Variants in NR6A1 observed in about 807,000 individuals in gnomAD.
NR6A1 encodes the protein nuclear receptor subfamily 6 group A member 1, also known as retinoic acid receptor-related testis-associated receptor.
NR6A1 carries 7 observed loss-of-function variants against 59.1 expected under a neutral mutation model. That is an observed-to-expected ratio of 0.12 (90% confidence interval 0.07 to 0.22). The LOEUF (loss-of-function observed/expected upper bound fraction) is 0.22. Ranked by LOEUF, NR6A1 falls within the 10% of genes least tolerant of loss-of-function variation. The probability of loss-of-function intolerance (pLI) is 1.00; values close to 1 mark genes in which losing one functional copy is unlikely to be tolerated. For missense variants in NR6A1, 468 were observed against 611.6 expected, an observed-to-expected ratio of 0.77 and a Z score of 2.48; for synonymous variants, 243 against 236.1, an observed-to-expected ratio of 1.03 and a Z score of -0.27.
At chr9:124,679,703 AACATGG>A in intron 2 of NR6A1, among the ~76,000 whole-genome samples, 1 of 152,060 alleles carries the variant, frequency 6.6e-6, no homozygotes, top group Non-Finnish European at 1.5e-5. Context: ...CAGCCTGGCC[AACATGG>A]TAAAACCCCA....
chr9:124,571,172 G>A (rs1451675211), intron 2 of NR6A1, among the ~76,000 whole-genome samples: 1 of 152,232 alleles, frequency 6.6e-6, no homozygotes, highest in East Asian at 1.9e-4. Flanking sequence ...TAGAGTAGAA[G>A]TATGTCAAAA....
chr9:124,719,390 A>G (rs559609454), intron 2 of NR6A1, among the ~76,000 whole-genome samples: 49 of 152,294 alleles, frequency 3.2e-4, no homozygotes, highest in South Asian at 2.9e-3. Context: ...TTTAAATTTT[A>G]TATTTTTAAA....
intron 4 of NR6A1, 54 bp from the exon 5 acceptor site, chr9:124,540,241 C>T: frequency 6.5e-7 from 1 of 1,549,364 alleles, no homozygotes; most frequent in Non-Finnish European, 8.8e-7. Flanking sequence ...CTTGCTCTTT[C>T]TTCAGGACTG....
rs550121544 is a variant in NR6A1, at chr9:124,610,057, T to C, written c.143-55487A>G. On this transcript the variant is annotated intron_variant, in intron 2 of 9. Coordinates refer to ENST00000487099, the MANE Select transcript of NR6A1 (RefSeq NM_033334.4). The stretch of plus-strand genomic sequence containing the variant: ...ATCATGTCATCTGCAAACAGACAAT[T>C]TGACTTCCTCTCTTCCTATTTGAAT... Among the ~76,000 whole-genome samples, 23 of 152,296 alleles carry C rather than the reference T, an allele frequency of 1.5e-4. No homozygotes were observed. In the East Asian group the frequency reaches 2.9e-3, roughly 19 times the overall value.
chr9:124,532,064 C>T (rs147559129), intron 7 of NR6A1, among the ~76,000 whole-genome samples: 115 of 152,354 alleles, frequency 7.5e-4, no homozygotes, highest in African/African-American at 2.7e-3. Context: ...ATACTAGTTA[C>T]ACAACAAACC....
chr9:124,730,771 T>C (rs569452863), intron 2 of NR6A1, among the ~76,000 whole-genome samples: 1 of 152,138 alleles, frequency 6.6e-6, no homozygotes, highest in South Asian at 2.1e-4. Context: ...TCTCAGAAAA[T>C]GGGCATTAAC....
intron 5 of NR6A1, among the ~76,000 whole-genome samples, chr9:124,538,575 T>C (rs762849991): frequency 3.9e-5 from 6 of 152,172 alleles, no homozygotes; most frequent in Non-Finnish European, 8.8e-5. Flanking sequence ...AATGAATAAA[T>C]ATTGGTTGAA....
intron 8 of NR6A1, among the ~76,000 whole-genome samples, chr9:124,525,126 A>G (rs1202825586): frequency 1.3e-5 from 2 of 152,184 alleles, no homozygotes; most frequent in Non-Finnish European, 2.9e-5. Flanking sequence ...TCTCAACTTC[A>G]TACCAAACTC....
chr9:124,701,920 T>A (rs1250526005), intron 2 of NR6A1, among the ~76,000 whole-genome samples: 1 of 152,138 alleles, frequency 6.6e-6, no homozygotes, highest in Non-Finnish European at 1.5e-5. Flanking sequence ...AGATGGGGTT[T>A]CACTATGTTG....
chr9:124,762,662 C>A (rs1328332956), intron 1 of NR6A1, among the ~76,000 whole-genome samples: 3 of 152,196 alleles, frequency 2.0e-5, no homozygotes, highest in Non-Finnish European at 4.4e-5. Context: ...TAATCCGTTA[C>A]ATTAAAATCC....
intron 6 of NR6A1, among the ~76,000 whole-genome samples, chr9:124,537,822 G>C (rs1181405363): frequency 6.6e-6 from 1 of 152,058 alleles, no homozygotes; most frequent in African/African-American, 2.4e-5. Context: ...CCAGCACCTG[G>C]CTTACCTAGG....
intron 2 of NR6A1, among the ~76,000 whole-genome samples, chr9:124,567,831 C>CTTTTTTTTTTT (rs534591761): frequency 2.0e-5 from 2 of 101,340 alleles, no homozygotes; most frequent in Non-Finnish European, 4.2e-5. Flanking sequence ...TAAAAATTTG[C>CTTTTTTTTTTT]TTTTTTTTTT....
At chr9:124,676,154 G>A (rs534462287) in intron 2 of NR6A1, among the ~76,000 whole-genome samples, 35 of 152,240 alleles carry the variant, frequency 2.3e-4, no homozygotes, top group African/African-American at 8.2e-4. Context: ...GCATGTGACA[G>A]GCAAAACAGC....
chr9:124,584,286 T>C (rs1834856990), intron 2 of NR6A1, among the ~76,000 whole-genome samples: 1 of 151,866 alleles, frequency 6.6e-6, no homozygotes, highest in African/African-American at 2.4e-5. Flanking sequence ...TTTTGAATTT[T>C]TAGTAGAGAC....
chr9:124,697,541 T>A (rs535675007), intron 2 of NR6A1, among the ~76,000 whole-genome samples: 1 of 152,096 alleles, frequency 6.6e-6, no homozygotes, highest in African/African-American at 2.4e-5. Context: ...AGAGTAAGCA[T>A]TCCAAGCATA....
At chr9:124,759,428 A>C (rs762330854) in intron 1 of NR6A1, among the ~76,000 whole-genome samples, 5 of 152,204 alleles carry the variant, frequency 3.3e-5, no homozygotes, top group African/African-American at 1.2e-4. Context: ...GATTTAGCTT[A>C]AACACACTGC....
chr9:124,736,592 C>A lies in NR6A1; in HGVS notation c.101-3243G>T, dbSNP rs144151742. ...GGTACAGTGGTGCATGCCTGTAATCCCAGCACTTTGGGAAGCCGAAGCAGG... is the reference window on the plus strand; with the variant it reads ...GGTACAGTGGTGCATGCCTGTAATCACAGCACTTTGGGAAGCCGAAGCAGG... On this transcript the variant is annotated intron_variant, in intron 1 of 9. Coordinates refer to ENST00000487099, the MANE Select transcript of NR6A1 (RefSeq NM_033334.4). Among the ~76,000 whole-genome samples, 702 of 152,178 alleles carry A rather than the reference C, an allele frequency of 4.6e-3. 6 individuals are homozygous for A. Among genetic ancestry groups the A allele is most frequent in the African/African-American group, 0.016 (657 of 41,502 alleles).
intron 2 of NR6A1, among the ~76,000 whole-genome samples, chr9:124,654,642 C>T (rs1837197355): frequency 6.6e-6 from 1 of 152,080 alleles, no homozygotes; most frequent in African/African-American, 2.4e-5. Context: ...AGAGGCATAG[C>T]CCGATACTTC....
intron 2 of NR6A1, among the ~76,000 whole-genome samples, chr9:124,702,492 T>C (rs376104989): frequency 6.6e-6 from 1 of 152,270 alleles, no homozygotes; most frequent in African/African-American, 2.4e-5. Context: ...TGATACAGTT[T>C]GGATGTCTGT....
Sources: allele counts gnomAD v4.1 joint callset (sites outside exome capture counted in the v4.1 genomes callset), GRCh38; gene constraint gnomAD v4.1.1; transcripts MANE v1.5; gene names NCBI Gene and HGNC (gene_info 2026-07-23, HGNC 2026-07-21).